Variants in LPP observed in about 807,000 individuals in gnomAD.
The protein encoded by LPP is lipoma-preferred partner.
Under a neutral mutation model 60.4 loss-of-function variants are expected in LPP, and 38 were observed. That is an observed-to-expected ratio of 0.63 (90% CI 0.49 to 0.83). The LOEUF is 0.83. LPP is among the 40% of genes least tolerant of loss of function. The probability of loss-of-function intolerance (pLI) is 0.00; values close to 1 mark genes in which losing one functional copy is unlikely to be tolerated. For synonymous variants in LPP, 328 were observed against 290.8 expected (o/e 1.13, Z -1.30); for missense variants, 902 against 783.6 (o/e 1.15, Z -1.80).
Position 188,191,881 on chromosome 3 carries a change from G to A in LPP, c.-189-33524G>A, listed in dbSNP as rs1466879510. On this transcript the variant is annotated intron_variant, in intron 1 of 11. Transcript: ENST00000617246. Reference sequence around the variant, plus strand: ...AAGTTATCCATGCAGACAGAGAGACGATATTTAAATATGTATAACACTGTA... The same window carrying A: ...AAGTTATCCATGCAGACAGAGAGACAATATTTAAATATGTATAACACTGTA... Among the ~76,000 whole-genome samples the A allele has an allele frequency of 2.6e-5, 4 of 152,102 alleles. No individual in the cohort carries two copies. The East Asian group carries it at 7.7e-4, about 29-fold the overall frequency.
chr3:188,756,305 A>T (rs544916946), intron 8 of LPP, among the ~76,000 whole-genome samples: 1 of 152,338 alleles, frequency 6.6e-6, no homozygotes, highest in African/African-American at 2.4e-5. Context: ...AAAGTTCCCC[A>T]TCGGCTGCCG....
chr3:188,562,045 GCA>G (rs1830815269), intron 6 of LPP, among the ~76,000 whole-genome samples: 2 of 52,372 alleles, frequency 3.8e-5, no homozygotes, highest in Admixed American at 4.5e-4. Context: ...TTATAATCAC[GCA>G]CACACAGACA....
Position 188,211,464 on chromosome 3 carries a change from C to T in LPP, c.-189-13941C>T, listed in dbSNP as rs554902970. Among the ~76,000 whole-genome samples, 8 of 152,274 alleles carry T rather than the reference C, an allele frequency of 5.3e-5. No homozygotes were observed. In the South Asian group the frequency reaches 1.5e-3, roughly 28 times the overall value. On this transcript the variant is annotated intron_variant, in intron 1 of 11. Coordinates refer to ENST00000617246, the MANE Select transcript of LPP (RefSeq NM_001375462.1). ...ACCACCGGGAAGCCAAGATGTGGTA[C>T]TTGGATTCCCATCTCGGAGCACCTC...
chr3:188,271,394 T>G (rs772410840), intron 2 of LPP, among the ~76,000 whole-genome samples: 3 of 152,214 alleles, frequency 2.0e-5, no homozygotes, highest in Non-Finnish European at 4.4e-5. Flanking sequence ...AAGCCTTTTC[T>G]GTGGAAGAAG....
chr3:188,752,506 G>A (rs1477996582), intron 8 of LPP, among the ~76,000 whole-genome samples: 1 of 152,112 alleles, frequency 6.6e-6, no homozygotes, highest in Non-Finnish European at 1.5e-5. Flanking sequence ...AAACAGGGTT[G>A]TTTTTTGTTT....
chr3:188,346,249 A>ATTTTTT (rs1764321005), intron 3 of LPP, among the ~76,000 whole-genome samples: 1 of 124,228 alleles, frequency 8.0e-6, no homozygotes. Context: ...AAAGTAGCAA[A>ATTTTTT]TCTTTTTTTT....
chr3:188,423,442 A>G (rs891580462), intron 4 of LPP, among the ~76,000 whole-genome samples: 2 of 152,136 alleles, frequency 1.3e-5, no homozygotes, highest in Non-Finnish European at 2.9e-5. Flanking sequence ...ATGATTTATA[A>G]TCCTTTGGGT....
chr3:188,463,767 A>T (rs1193548734), intron 4 of LPP, among the ~76,000 whole-genome samples: 1 of 152,154 alleles, frequency 6.6e-6, no homozygotes, highest in African/African-American at 2.4e-5. Context: ...TTTACTTTTG[A>T]TGAGGCAGAG....
intron 5 of LPP, among the ~76,000 whole-genome samples, chr3:188,519,318 T>C (rs2150123010): frequency 6.6e-6 from 1 of 152,352 alleles, no homozygotes; most frequent in Middle Eastern, 3.4e-3. Flanking sequence ...CTGCCTGACT[T>C]ATTTAATCTG....
intron 3 of LPP, among the ~76,000 whole-genome samples, chr3:188,364,383 T>A (rs1770495726): frequency 6.6e-6 from 1 of 152,212 alleles, no homozygotes; most frequent in Non-Finnish European, 1.5e-5. Flanking sequence ...CTTCGTTCGT[T>A]TTTTAGACAA....
At chr3:188,763,847 TC>T (rs1196369670) in intron 9 of LPP, among the ~76,000 whole-genome samples, 1 of 152,114 alleles carries the variant, frequency 6.6e-6, no homozygotes, top group African/African-American at 2.4e-5. Flanking sequence ...TAGCATAAAT[TC>T]TTTGATTTAT....
At chr3:188,287,348 A>C (rs1305202351) in intron 2 of LPP, among the ~76,000 whole-genome samples, 2 of 152,220 alleles carry the variant, frequency 1.3e-5, no homozygotes, top group Non-Finnish European at 2.9e-5. Context: ...AGACATAAAC[A>C]GTGGGCTCCA....
chr3:188,364,603 G>C (rs1222076665), intron 3 of LPP, among the ~76,000 whole-genome samples: 1 of 152,178 alleles, frequency 6.6e-6, no homozygotes, highest in Non-Finnish European at 1.5e-5. Context: ...TAAATGGAGA[G>C]AAAATAAAGG....
chr3:188,386,262 GCGCACACACACACA>G (rs1180802749), intron 3 of LPP, among the ~76,000 whole-genome samples: 48 of 69,548 alleles, frequency 6.9e-4, no homozygotes, highest in African/African-American at 2.0e-3. Flanking sequence ...CATAGCATGC[GCGCACACACACACA>G]CACACACACA....
At chr3:188,472,333 G>T (rs1802050128) in intron 4 of LPP, among the ~76,000 whole-genome samples, 1 of 152,056 alleles carries the variant, frequency 6.6e-6, no homozygotes. Context: ...TCAGCTAGCA[G>T]GTGGTGAAGT....
chr3:188,670,449 C>CT (rs565703660), intron 7 of LPP, among the ~76,000 whole-genome samples: 5,117 of 141,568 alleles, frequency 0.036, 255 homozygotes, highest in African/African-American at 0.12. Context: ...AGGTCTCTCT[C>CT]TTTTTTTTTT....
At chr3:188,751,508 A>C (rs1728056824) in intron 8 of LPP, among the ~76,000 whole-genome samples, 1 of 152,232 alleles carries the variant, frequency 6.6e-6, no homozygotes, top group Non-Finnish European at 1.5e-5. Context: ...TGGCCAAAAG[A>C]AATACTACTG....
chr3:188,380,393 A>G (rs780840746), intron 3 of LPP, among the ~76,000 whole-genome samples: 28 of 152,236 alleles, frequency 1.8e-4, no homozygotes, highest in Non-Finnish European at 3.5e-4. Context: ...TCTGGGTCAC[A>G]TGTTTGCCTC....
In LPP at chr3:188,679,466, G is replaced by A. The variant is rs1858909468; in HGVS notation, c.1114-28801G>A. Among the ~76,000 whole-genome samples, 3 of 151,830 alleles carry A rather than the reference G, an allele frequency of 2.0e-5. No individual in the cohort carries two copies. The South Asian group carries it at 6.2e-4, about 32-fold the overall frequency. On this transcript the variant is annotated intron_variant, in intron 7 of 11. Transcript: ENST00000617246. ...GTGGACAACATAGCCAAGCAAATGAGCATTTTAGTCTTTCTCGTCGTCCTG... is the reference window on the plus strand; with the variant it reads ...GTGGACAACATAGCCAAGCAAATGAACATTTTAGTCTTTCTCGTCGTCCTG...
Sources: allele counts gnomAD v4.1 joint callset (sites outside exome capture counted in the v4.1 genomes callset), GRCh38; gene constraint gnomAD v4.1.1; transcripts MANE v1.5; gene names NCBI Gene and HGNC (gene_info 2026-07-23, HGNC 2026-07-21).